DPP6: variants seen among roughly 807,000 people sequenced by gnomAD.
DPP6 encodes dipeptidyl peptidase like 6.
Under a neutral mutation model 122.6 loss-of-function variants are expected in DPP6, and 69 were observed. That is an observed-to-expected ratio of 0.56 (90% CI 0.46 to 0.69). The LOEUF is 0.69. Ranked by LOEUF, DPP6 falls within the 30% of genes least tolerant of loss-of-function variation. The pLI is 0.00. For synonymous variants in DPP6, 418 were observed against 433.1 expected (o/e 0.97, Z 0.43); for missense variants, 928 against 1,116.9 (o/e 0.83, Z 2.41).
At chr7:154,240,678 G>A (rs553146474) in intron 1 of DPP6, among the ~76,000 whole-genome samples, 36 of 152,272 alleles carry the variant, frequency 2.4e-4, no homozygotes, top group African/African-American at 8.7e-4. Flanking sequence ...TATAGTCCAA[G>A]CTGCAGAGGG....
At chr7:154,270,002 G>T (rs1476869341) in intron 1 of DPP6, among the ~76,000 whole-genome samples, 1 of 152,140 alleles carries the variant, frequency 6.6e-6, no homozygotes, top group Non-Finnish European at 1.5e-5. Flanking sequence ...TCAATAGAAG[G>T]AATGACGGAC....
At chr7:154,617,862 A>G (rs1287265577) in intron 5 of DPP6, among the ~76,000 whole-genome samples, 1 of 152,220 alleles carries the variant, frequency 6.6e-6, no homozygotes, top group African/African-American at 2.4e-5. Context: ...CAGGAGGACA[A>G]AGATTCTCCA....
chr7:153,889,885 C>T (rs953992243), intron 1 of DPP6, among the ~76,000 whole-genome samples: 2 of 152,318 alleles, frequency 1.3e-5, no homozygotes, highest in East Asian at 3.9e-4. Flanking sequence ...ATAATTATGG[C>T]TCCACAGCCT....
At chr7:154,495,313 A>G (rs2151394690) in intron 3 of DPP6, among the ~76,000 whole-genome samples, 1 of 152,056 alleles carries the variant, frequency 6.6e-6, no homozygotes, top group East Asian at 1.9e-4. Context: ...TATTTCTTAA[A>G]TGATGAGGGT....
intron 1 of DPP6, among the ~76,000 whole-genome samples, chr7:154,332,073 C>CTTT (rs5888570): frequency 1.4e-5 from 2 of 141,920 alleles, no homozygotes; most frequent in Admixed American, 7.0e-5. Flanking sequence ...GCTTTTTAAA[C>CTTT]TTTTTTTTTT....
chr7:154,207,555 T>C (rs1014838455), intron 1 of DPP6, among the ~76,000 whole-genome samples: 10 of 152,220 alleles, frequency 6.6e-5, no homozygotes, highest in African/African-American at 2.4e-4. Context: ...CTGCTGAGGC[T>C]GCATAGTTGC....
At chr7:154,669,940 A>G (rs375383062) in intron 7 of DPP6, among the ~76,000 whole-genome samples, 2 of 151,970 alleles carry the variant, frequency 1.3e-5, no homozygotes, top group African/African-American at 2.4e-5. Flanking sequence ...GCTCACTGCA[A>G]CCTCCACCTC....
At chr7:154,720,443 G>T (rs1841740356) in intron 7 of DPP6, among the ~76,000 whole-genome samples, 1 of 152,356 alleles carries the variant, frequency 6.6e-6, no homozygotes, top group Admixed American at 6.5e-5. Context: ...GTATGTTTGG[G>T]AGACCTGAGC....
intron 1 of DPP6, among the ~76,000 whole-genome samples, chr7:154,206,969 T>C (rs532591910): frequency 6.6e-6 from 1 of 152,282 alleles, no homozygotes; most frequent in East Asian, 1.9e-4. Context: ...AGGGCTGAGA[T>C]GAGCAGCAAG....
At chr7:154,343,398 A>G (rs7810072) in intron 1 of DPP6, among the ~76,000 whole-genome samples, 11,043 of 152,240 alleles carry the variant, frequency 0.073, 1,256 homozygotes, top group African/African-American at 0.24. Flanking sequence ...CGGGCACTGA[A>G]ACTGACAGCT....
rs530540519 is a variant in DPP6 at position 154,459,251 on chromosome 7, G to A, written c.358+12923G>A. Among the ~76,000 whole-genome samples, 22 of 152,244 alleles carry A rather than the reference G, an allele frequency of 1.4e-4. No individual in the cohort carries two copies. The East Asian group carries it at 3.7e-3, about 25-fold the overall frequency. On this transcript the variant is annotated intron_variant, in intron 2 of 25. Coordinates refer to ENST00000377770, the MANE Select transcript of DPP6 (RefSeq NM_130797.4). ...TACAATGTGTAAAGGTGTTTGCTAC[G>A]TGTCACAGGTATTTTGGGTTTAGCA... is the stretch of plus-strand genomic sequence containing the variant.
At chr7:153,996,535 ATCT>A (rs761214380) in intron 1 of DPP6, among the ~76,000 whole-genome samples, 5 of 151,496 alleles carry the variant, frequency 3.3e-5, no homozygotes, top group South Asian at 4.2e-4. Flanking sequence ...GGAATAAGCA[ATCT>A]TCTTCTGTGT....
chr7:154,058,478 G>A (rs372936197), intron 1 of DPP6: 4 of 132,604 alleles, frequency 3.0e-5, no homozygotes, highest in East Asian at 2.4e-4. Context: ...CCCATCGTAG[G>A]GGGGGGGAGG....
At position 154,481,344 on chromosome 7, in the gene DPP6, G is replaced by GTGTGT. The variant is rs1554564216; in HGVS notation, c.457+6307_457+6308insTGTGT. ...CTATACACTTGGAGAGAGAGAGAGA[G>GTGTGT]GGGTGTGTGTGTGTGTGTGTGTGTG... On this transcript the variant is annotated intron_variant, in intron 3 of 25. Transcript: ENST00000377770. This position sits in a 1 kb window ranked among gnomAD's most constrained non-coding sequence, Gnocchi z 4.2. Among the ~76,000 whole-genome samples the GTGTGT allele has an allele frequency of 4.2e-4, 13 of 30,874 alleles. No individual in the cohort carries two copies. Among genetic ancestry groups the GTGTGT allele is most frequent in the South Asian group, 4.2e-3 (1 of 240 alleles). The allele number at this position is 30,874 out of a possible 152,430, so 20.3% of individuals were successfully genotyped here. A position where few individuals can be genotyped will look rare whatever the true frequency, so the allele number is the denominator to read the frequency against.
intron 2 of DPP6, among the ~76,000 whole-genome samples, chr7:154,459,805 CAAAAAAAAAAA>C (rs775605275): frequency 9.5e-5 from 6 of 63,080 alleles, no homozygotes; most frequent in East Asian, 4.3e-4. Context: ...GATTCCATCT[CAAAAAAAAAAA>C]AAAAAAAAGA....
At chr7:154,441,699 G>A (rs1268926313) in intron 1 of DPP6, among the ~76,000 whole-genome samples, 2 of 152,170 alleles carry the variant, frequency 1.3e-5, no homozygotes, top group Non-Finnish European at 2.9e-5. Context: ...TGTAGCTGGG[G>A]AGAAAATTAA....
intron 1 of DPP6, among the ~76,000 whole-genome samples, chr7:154,371,411 AAGAAAGAAAGAC>A (rs2151120218): frequency 1.4e-5 from 2 of 146,616 alleles, no homozygotes; most frequent in African/African-American, 2.7e-5. Context: ...AAAAGAAAGA[AAGAAAGAAAGAC>A]AGAAAAAACA....
At chr7:154,611,353 T>C (rs1176464587) in intron 5 of DPP6, among the ~76,000 whole-genome samples, 1 of 152,180 alleles carries the variant, frequency 6.6e-6, no homozygotes, top group Non-Finnish European at 1.5e-5. Context: ...TCATTTTATA[T>C]CTAGTGCTGA....
intron 1 of DPP6, among the ~76,000 whole-genome samples, chr7:154,197,764 A>G (rs975303758): frequency 2.0e-5 from 3 of 152,326 alleles, no homozygotes; most frequent in African/African-American, 7.2e-5. Context: ...AATATAGATT[A>G]TGTCACTAAG....
Sources: gnomAD v4.1 joint callset for allele counts (sites outside exome capture counted in the v4.1 genomes callset) on GRCh38, gnomAD v4.1.1 for gene constraint, Gnocchi (gnomAD v3.1) non-coding constraint, MANE v1.5 for transcripts, NCBI Gene and HGNC (gene_info 2026-07-23, HGNC 2026-07-21) for gene names.